Variants in METTL24 observed in about 807,000 individuals in gnomAD.
METTL24 encodes the protein probable methyltransferase-like protein 24.
In METTL24, 29 loss-of-function variants were observed where a neutral mutation model predicts 32.7. The ratio of observed to expected loss-of-function variants is 0.89; its 90% CI spans 0.66 to 1.21. The LOEUF (loss-of-function observed/expected upper bound fraction) is 1.21, where lower values mean the gene tolerates loss of function less well. METTL24 is among the 50% of genes most tolerant of loss of function. The pLI is 0.00. For missense variants in METTL24, 439 were observed against 468.1 expected, an observed-to-expected ratio of 0.94 and a Z score of 0.57; for synonymous variants, 163 against 179.5, an observed-to-expected ratio of 0.91 and a Z score of 0.73.
intron 1 of METTL24, among the ~76,000 whole-genome samples, chr6:110,323,302 A>G (rs938174259): frequency 2.0e-5 from 3 of 152,252 alleles, no homozygotes; most frequent in Non-Finnish European, 4.4e-5. Context: ...ACAAAGCACC[A>G]TAATGCTGGG....
rs1343173828 is a variant in METTL24 at position 110,244,195 on chromosome 6, T to C, written c.*1751A>G. Among the ~76,000 whole-genome samples, 1 of 152,080 alleles carries C rather than the reference T, an allele frequency of 6.6e-6. No individual in the cohort carries two copies. The highest frequency in any genetic ancestry group is 6.6e-5 in the Admixed American group (1 of 15,264). On this transcript the variant is annotated 3_prime_UTR_variant, in exon 5 of 5. Coordinates refer to ENST00000338882, the MANE Select transcript of METTL24 (RefSeq NM_001123364.3). ...AAAATGCACTTAACATTATTAGAGATAATGTATTTTTTTAAAAAAGATTTG... is the reference window on the plus strand; with the variant it reads ...AAAATGCACTTAACATTATTAGAGACAATGTATTTTTTTAAAAAAGATTTG...
chr6:110,307,350 A>G (rs1022724707), intron 3 of METTL24, among the ~76,000 whole-genome samples: 2 of 152,254 alleles, frequency 1.3e-5, no homozygotes, highest in African/African-American at 4.8e-5. Flanking sequence ...TATTTAGTCT[A>G]TAAGGAAATC....
chr6:110,294,291 T>C (rs181499569), intron 4 of METTL24, among the ~76,000 whole-genome samples: 1 of 152,062 alleles, frequency 6.6e-6, no homozygotes, highest in Non-Finnish European at 1.5e-5. Context: ...AATAAAAATA[T>C]GTAAAACTCC....
chr6:110,291,822 G>A (rs1339439935), intron 4 of METTL24, among the ~76,000 whole-genome samples: 1 of 152,116 alleles, frequency 6.6e-6, no homozygotes, highest in Non-Finnish European at 1.5e-5. Context: ...GTGTTAGTTT[G>A]CTAAGGATAA....
chr6:110,317,356 C>T (rs1489832676), intron 2 of METTL24, among the ~76,000 whole-genome samples: 1 of 152,148 alleles, frequency 6.6e-6, no homozygotes, highest in African/African-American at 2.4e-5. Flanking sequence ...TATGTCTCTG[C>T]CTGCCCACCT....
Position 110,257,662 on chromosome 6 carries a change from T to C in METTL24, c.787-11402A>G, listed in dbSNP as rs565250986. Among the ~76,000 whole-genome samples, 24 of 152,268 alleles carry C rather than the reference T, an allele frequency of 1.6e-4. No individual in the cohort carries two copies. In the South Asian group the frequency reaches 4.8e-3, roughly 30 times the overall value. On this transcript the variant is annotated intron_variant, in intron 4 of 4. Transcript: ENST00000338882. ...TTTCTACTAAGAGCCCAGCTGCCGA[T>C]GATGCTGCTGGTACAACGACCACAC... is the stretch of plus-strand genomic sequence containing the variant.
chr6:110,297,915 G>C (rs1159166264), intron 4 of METTL24, among the ~76,000 whole-genome samples: 1 of 152,018 alleles, frequency 6.6e-6, no homozygotes, highest in African/African-American at 2.4e-5. Flanking sequence ...GCTATCTAAA[G>C]GTTGTTTAAA....
At chr6:110,315,209 T>C (rs1771795909) in intron 3 of METTL24, 133 bp downstream of exon 3, 1 of 1,063,430 alleles carries the variant, frequency 9.4e-7, no homozygotes, top group Non-Finnish European at 1.4e-6. Context: ...CAGATCAGTC[T>C]GAAATGATGA....
chr6:110,351,293 G>GTATATATT (rs1326719766), intron 1 of METTL24, among the ~76,000 whole-genome samples: 3 of 152,102 alleles, frequency 2.0e-5, no homozygotes, highest in Non-Finnish European at 1.5e-5. Flanking sequence ...GATCTTGTAG[G>GTATATATT]CGTATATTCA....
At chr6:110,298,410 T>A (rs1771459970) in intron 4 of METTL24, among the ~76,000 whole-genome samples, 1 of 152,226 alleles carries the variant, frequency 6.6e-6, no homozygotes, top group South Asian at 2.1e-4. Flanking sequence ...AATGTACATG[T>A]CCATTCAATT....
At chr6:110,274,744 T>G (rs1187285236) in intron 4 of METTL24, among the ~76,000 whole-genome samples, 1 of 149,652 alleles carries the variant, frequency 6.7e-6, no homozygotes, top group African/African-American at 2.4e-5. Context: ...AGGTCCCTCA[T>G]GCCCACCCAC....
At position 110,279,816 on chromosome 6, in the gene METTL24, A is replaced by G. The variant is rs562457250; in HGVS notation, c.786+19106T>C. On this transcript the variant is annotated intron_variant, in intron 4 of 4. Coordinates refer to ENST00000338882, the MANE Select transcript of METTL24 (RefSeq NM_001123364.3). ...AAAGTACTTGTGTTGGTCCATTCTC[A>G]TGTTGCTCTAAAGAAATACCTGAAA... 2.6e-5 allele frequency among the ~76,000 whole-genome samples: 4 copies of G among 152,224 alleles called. No homozygotes were observed. The South Asian group carries it at 6.2e-4, about 24-fold the overall frequency.
intron 3 of METTL24, among the ~76,000 whole-genome samples, chr6:110,303,865 G>A (rs1771582738): frequency 6.6e-6 from 1 of 152,198 alleles, no homozygotes; most frequent in African/African-American, 2.4e-5. Flanking sequence ...CATGCCTCCT[G>A]ACGGGGAGAC....
At chr6:110,343,610 A>C (rs898409455) in intron 1 of METTL24, among the ~76,000 whole-genome samples, 1 of 152,238 alleles carries the variant, frequency 6.6e-6, no homozygotes. Flanking sequence ...TGCTAGAGTC[A>C]GGTAGGGAGT....
intron 4 of METTL24, among the ~76,000 whole-genome samples, chr6:110,260,793 A>C (rs1054788477): frequency 5.3e-5 from 8 of 152,178 alleles, no homozygotes; most frequent in African/African-American, 1.9e-4. Flanking sequence ...CAAGCCAGAA[A>C]AGAGTGGGGG....
chr6:110,340,269 G>T (rs943625576), intron 1 of METTL24, among the ~76,000 whole-genome samples: 1 of 152,124 alleles, frequency 6.6e-6, no homozygotes, highest in African/African-American at 2.4e-5. Context: ...TGACTCTAGG[G>T]GCTGTTGTCC....
intron 4 of METTL24, among the ~76,000 whole-genome samples, chr6:110,289,542 A>G (rs1347106890): frequency 6.6e-6 from 1 of 152,176 alleles, no homozygotes; most frequent in Non-Finnish European, 1.5e-5. Context: ...ATAGTTAAAA[A>G]GAAAATTAAA....
At chr6:110,350,842 C>T (rs956975090) in intron 1 of METTL24, among the ~76,000 whole-genome samples, 1 of 142,860 alleles carries the variant, frequency 7.0e-6, no homozygotes, top group Non-Finnish European at 1.6e-5. Context: ...GGCTCAGTGG[C>T]TCATGCCTGT....
chr6:110,321,320 G>A (rs765107621), intron 2 of METTL24, among the ~76,000 whole-genome samples: 10 of 152,198 alleles, frequency 6.6e-5, no homozygotes, highest in Non-Finnish European at 1.5e-4. Context: ...ATCTAAAAAT[G>A]ACCATTTCAT....
Sources: allele counts gnomAD v4.1 joint callset (sites outside exome capture counted in the v4.1 genomes callset), GRCh38; gene constraint gnomAD v4.1.1; transcripts MANE v1.5; gene names NCBI Gene and HGNC (gene_info 2026-07-23, HGNC 2026-07-21).